SOS1: variants seen among roughly 807,000 people sequenced by gnomAD.
The protein encoded by SOS1 is son of sevenless homolog 1.
SOS1 carries 25 observed loss-of-function variants against 157.6 expected under a neutral mutation model. The ratio of observed to expected loss-of-function variants is 0.16; its 90% confidence interval spans 0.12 to 0.22. The LOEUF (loss-of-function observed/expected upper bound fraction) is 0.22. Among genes scored for constraint, SOS1 ranks in the 10% least tolerant of loss-of-function variants. SOS1 has a pLI of 1.00. For missense variants in SOS1, 1,237 were observed against 1,599.1 expected, an observed-to-expected ratio of 0.77 and a Z score of 3.86; for synonymous variants, 528 against 534.0, an observed-to-expected ratio of 0.99 and a Z score of 0.16.
At chr2:39,024,238 A>C (rs62144355) in intron 8 of SOS1, 101 bp from the exon 9 acceptor site, 3 of 514,584 alleles carry the variant, frequency 5.8e-6, no homozygotes, top group Admixed American at 4.2e-5. Context: ...CAACTGTCAC[A>C]ATAAAAATTT....
intron 20 of SOS1, chr2:38,993,111 A>T (rs1311600697): frequency 2.0e-5 from 3 of 151,724 alleles, no homozygotes; most frequent in African/African-American, 7.3e-5. Context: ...AAAAGACTCC[A>T]TGACCTTCAG....
rs1375328473 is a variant in SOS1, at chr2:38,989,754, C to T, written c.3347-440G>A. ...TAATTATATGTCTTTCAAAAATGTT[C>T]TTGGGGCATATATTCTCATCACAAA... On this transcript the variant is annotated intron_variant, in intron 20 of 22. Coordinates refer to ENST00000402219, the MANE Select transcript of SOS1 (RefSeq NM_005633.4). 5.4e-4 allele frequency among the ~76,000 whole-genome samples: 82 copies of T among 151,994 alleles called. 1 individual carries two copies. The highest frequency in any genetic ancestry group is 5.4e-3 in the Admixed American group (82 of 15,254).
At chr2:39,082,969 T>C (rs749798267) in intron 1 of SOS1, among the ~76,000 whole-genome samples, 24 of 152,150 alleles carry the variant, frequency 1.6e-4, no homozygotes, top group African/African-American at 5.3e-4. Flanking sequence ...TAGTAAGGCT[T>C]TGGGGAGCTG....
chr2:39,109,550 T>C (rs1187013548), intron 1 of SOS1, among the ~76,000 whole-genome samples: 1 of 152,174 alleles, frequency 6.6e-6, no homozygotes, highest in Non-Finnish European at 1.5e-5. Context: ...TCAGGACAAT[T>C]AGAGCACCAT....
chr2:39,104,672 C>T (rs1163584775), intron 1 of SOS1, among the ~76,000 whole-genome samples: 1 of 152,182 alleles, frequency 6.6e-6, no homozygotes, highest in Non-Finnish European at 1.5e-5. Flanking sequence ...ATGTTCACTG[C>T]AGTATCCAGT....
chr2:38,993,704 C>T (rs1298864555), intron 20 of SOS1: 1 of 152,126 alleles, frequency 6.6e-6, no homozygotes, highest in Non-Finnish European at 1.5e-5. Context: ...AATTAGCAGA[C>T]TGGGATGACA....
intron 21 of SOS1, 93 bp downstream of exon 21, chr2:38,989,177 A>T: frequency 1.2e-6 from 1 of 848,376 alleles, no homozygotes. Flanking sequence ...CAATGCTGCC[A>T]GACCCAAGAA....
intron 20 of SOS1, among the ~76,000 whole-genome samples, chr2:38,994,502 A>G (rs1388097955): frequency 6.6e-6 from 1 of 152,188 alleles, no homozygotes; most frequent in Non-Finnish European, 1.5e-5. Flanking sequence ...TTTGGTGGAG[A>G]GTAGATGGTG....
upstream of SOS1, among the ~76,000 whole-genome samples, chr2:39,124,533 C>T (rs961983985): frequency 5.3e-5 from 8 of 152,252 alleles, no homozygotes; most frequent in Non-Finnish European, 1.0e-4. Flanking sequence ...CTTCAGTGTG[C>T]CCCCTGCAGG....
intron 1 of SOS1, among the ~76,000 whole-genome samples, chr2:39,069,077 G>A (rs1450974494): frequency 6.6e-6 from 1 of 151,728 alleles, no homozygotes; most frequent in African/African-American, 2.4e-5. Flanking sequence ...TGAGTGTGGT[G>A]GCTAATGCCT....
At chr2:39,038,434 A>T (rs766747482) in intron 6 of SOS1, among the ~76,000 whole-genome samples, 2 of 152,062 alleles carry the variant, frequency 1.3e-5, no homozygotes, top group African/African-American at 2.4e-5. Flanking sequence ...CTTATGGATG[A>T]GCAAAGAAAG....
intron 17 of SOS1, 147 bp downstream of exon 17, chr2:39,006,265 A>G: frequency 3.1e-6 from 2 of 655,660 alleles, no homozygotes; most frequent in South Asian, 1.8e-5. Flanking sequence ...CTTAATGAGA[A>G]AAATTCTAAA....
At chr2:39,019,308 T>C (rs1669721873) in intron 10 of SOS1, among the ~76,000 whole-genome samples, 1 of 151,758 alleles carries the variant, frequency 6.6e-6, no homozygotes, top group South Asian at 2.1e-4. Flanking sequence ...CACCTACCAT[T>C]TATCTACTCG....
At chr2:39,088,936 C>G (rs570504864) in intron 1 of SOS1, among the ~76,000 whole-genome samples, 1 of 152,146 alleles carries the variant, frequency 6.6e-6, no homozygotes, top group Non-Finnish European at 1.5e-5. Flanking sequence ...CAGCAATGCA[C>G]AGTTTCCAAT....
At chr2:39,106,591 AAAAAAAAAAAC>A (rs1302203043) in intron 1 of SOS1, among the ~76,000 whole-genome samples, 1 of 49,324 alleles carries the variant, frequency 2.0e-5, no homozygotes, top group Non-Finnish European at 4.8e-5. Context: ...ACTCCGTCTC[AAAAAAAAAAAC>A]AAAAAAAAAA....
chr2:39,023,936 G>A, intron 9 of SOS1, 74 bp downstream of exon 9: 2 of 1,029,828 alleles, frequency 1.9e-6, no homozygotes, highest in Non-Finnish European at 3.0e-6. Flanking sequence ...TACTTGAGGA[G>A]GGAACTGGGA....
intron 5 of SOS1, among the ~76,000 whole-genome samples, chr2:39,053,590 G>A (rs1027985611): frequency 1.3e-5 from 2 of 151,866 alleles, no homozygotes; most frequent in African/African-American, 4.8e-5. Context: ...TTCACTCATC[G>A]CCATAGCTTG....
chr2:38,991,648 C>T (rs949306369), intron 20 of SOS1, among the ~76,000 whole-genome samples: 7 of 152,198 alleles, frequency 4.6e-5, no homozygotes, highest in Non-Finnish European at 7.3e-5. Flanking sequence ...GTGGCCACTT[C>T]TCTGCCCTGT....
Position 38,997,008 on chromosome 2 carries a change from T to C in SOS1, c.2995A>G (p.Asn999Asp). 6.2e-7 allele frequency: 1 copy of C among 1,601,626 alleles called. No individual in the cohort carries two copies. The highest frequency in any genetic ancestry group is 8.6e-7 in the Non-Finnish European group (1 of 1,169,322). Reference protein sequence around the residue: ...RFFENLNPMGNSMEKEFTDYL... With the variant: ...RFFENLNPMGDSMEKEFTDYL... ...TCTGTAAATTCCTTCTCCATGCTAT[T>C]TCCCATCGGATTCAAGTTTTCAAAG... Residue 999 changes from asparagine (N) to aspartate (D), a missense_variant, in exon 19 of 23, where the codon AAT becomes GAT. Physicochemically the swap from Asn to Asp is conservative, Grantham distance 23. This residue lies in a region of SOS1 where 34 missense variants were observed against 28.1 expected (regional missense o/e 1.21). Coordinates refer to ENST00000402219, the MANE Select transcript of SOS1 (RefSeq NM_005633.4).
Sources: allele counts gnomAD v4.1 joint callset (sites outside exome capture counted in the v4.1 genomes callset), GRCh38; gene constraint gnomAD v4.1.1; regional missense constraint gnomAD v4.1.1; transcripts MANE v1.5; gene names NCBI Gene and HGNC (gene_info 2026-07-23, HGNC 2026-07-21).